Variants in HPCAL1 observed in about 807,000 individuals in gnomAD.
HPCAL1 encodes hippocalcin-like protein 1.
A neutral mutation model predicts 17.1 loss-of-function variants in HPCAL1; 8 were observed. The ratio of observed to expected loss-of-function variants is 0.47; its 90% CI spans 0.27 to 0.84. The LOEUF (loss-of-function observed/expected upper bound fraction) is 0.84, where lower values mean the gene tolerates loss of function less well. Ranked by LOEUF, HPCAL1 falls within the 40% of genes least tolerant of loss-of-function variation. HPCAL1 has a pLI of 0.13. For synonymous variants in HPCAL1, 112 were observed against 111.4 expected, an observed-to-expected ratio of 1.01 and a Z score of -0.03; for missense variants, 165 against 271.1, an observed-to-expected ratio of 0.61 and a Z score of 2.75.
At chr2:10,409,777 C>T (rs79588549) in intron 2 of HPCAL1, among the ~76,000 whole-genome samples, 15 of 62,502 alleles carry the variant, frequency 2.4e-4, no homozygotes, top group African/African-American at 4.9e-4. Context: ...GAGCCTCAGT[C>T]TTTTTTTTTT....
At chr2:10,418,951 T>C (rs1670856601) in intron 2 of HPCAL1, among the ~76,000 whole-genome samples, 1 of 152,234 alleles carries the variant, frequency 6.6e-6, no homozygotes, top group Non-Finnish European at 1.5e-5. Flanking sequence ...GGCTCACACC[T>C]GTAATCCCAG....
Position 10,354,066 on chromosome 2 carries a change from C to T in HPCAL1, c.-110-42769C>T, listed in dbSNP as rs1278738825. ...TTTGTGATGTGATCTGTCATCTCCT[C>T]TGGGCTTGCATTTCTCCAGTGACAA... On this transcript the variant is annotated intron_variant, in intron 1 of 4. Transcript: ENST00000307845. This position sits in a 1 kb window ranked among gnomAD's most constrained non-coding sequence, Gnocchi z 5.1. The T allele has an allele frequency of 1.3e-5, 2 of 152,216 alleles. No homozygotes were observed. The highest frequency in any genetic ancestry group is 4.8e-5 in the African/African-American group (2 of 41,430). The allele number at this position is 152,216 out of a possible 1,614,324, so 9.4% of individuals were successfully genotyped here.
chr2:10,402,334 G>A (rs976880790), intron 2 of HPCAL1, among the ~76,000 whole-genome samples: 5 of 152,236 alleles, frequency 3.3e-5, no homozygotes, highest in Non-Finnish European at 2.9e-5. Flanking sequence ...CATGTAAGGG[G>A]TGTTCCGTGA....
chr2:10,409,175 A>G (rs1166161258), intron 2 of HPCAL1, among the ~76,000 whole-genome samples: 1 of 152,208 alleles, frequency 6.6e-6, no homozygotes, highest in Non-Finnish European at 1.5e-5. Context: ...TTATGTGCTC[A>G]GTAGCCACGT....
chr2:10,368,201 G>A (rs1345819342), intron 1 of HPCAL1, among the ~76,000 whole-genome samples: 3 of 151,724 alleles, frequency 2.0e-5, no homozygotes, highest in South Asian at 2.1e-4. Flanking sequence ...GTGTGCATAC[G>A]TGTGTGTAGG....
chr2:10,344,715 G>GTGTC lies in HPCAL1; in HGVS notation c.-111+41552_-111+41555dup, dbSNP rs894282260. 6.6e-6 allele frequency among the ~76,000 whole-genome samples: 1 copy of GTGTC among 151,984 alleles called. No homozygotes were observed. Among genetic ancestry groups the GTGTC allele is most frequent in the South Asian group, 2.1e-4 (1 of 4,818 alleles). ...TTGCTCTGTCTCTGTCTCTTTCTCT[G>GTGTC]TGTCTGTCTGTCTGTCTCTATGTGT... On this transcript the variant is annotated intron_variant, in intron 1 of 4. Coordinates refer to ENST00000307845, the MANE Select transcript of HPCAL1 (RefSeq NM_002149.4). The surrounding 1 kb of genome is among the most constrained non-coding windows in gnomAD (Gnocchi z 4.9).
rs375041960 is a variant in HPCAL1, at chr2:10,363,405, A to G, written c.-110-33430A>G. Among the ~76,000 whole-genome samples the G allele has an allele frequency of 3.3e-5, 5 of 152,168 alleles. No homozygotes were observed. The highest frequency in any genetic ancestry group is 1.2e-4 in the African/African-American group (5 of 41,426). The stretch of plus-strand genomic sequence containing the variant: ...CAGCACCCCCATTTCTGCTGCTCTG[A>G]TAACTTGGATCGACTGAAGAACCTC... On this transcript the variant is annotated intron_variant, in intron 1 of 4. Transcript: ENST00000307845. This position sits in a 1 kb window ranked among gnomAD's most constrained non-coding sequence, Gnocchi z 4.7.
At chr2:10,399,576 AC>A (rs1669453987) in intron 2 of HPCAL1, among the ~76,000 whole-genome samples, 1 of 37,528 alleles carries the variant, frequency 2.7e-5, no homozygotes, top group African/African-American at 1.1e-4. Context: ...CGCCACCACC[AC>A]CGCCACCGCC....
intron 2 of HPCAL1, among the ~76,000 whole-genome samples, chr2:10,412,288 T>C (rs1670405365): frequency 6.6e-6 from 1 of 152,232 alleles, no homozygotes; most frequent in African/African-American, 2.4e-5. Flanking sequence ...TCCTCCTGCA[T>C]ACCTGGAATG....
chr2:10,400,758 C>T (rs1391470527), intron 2 of HPCAL1, among the ~76,000 whole-genome samples: 1 of 145,622 alleles, frequency 6.9e-6, no homozygotes, highest in East Asian at 2.0e-4. Context: ...CACGTACACA[C>T]CCACATGCAC....
intron 1 of HPCAL1, among the ~76,000 whole-genome samples, chr2:10,327,869 T>A (rs965095577): frequency 6.6e-6 from 1 of 152,262 alleles, no homozygotes; most frequent in Non-Finnish European, 1.5e-5. Flanking sequence ...ACTTACTGCA[T>A]ATACATTCAT....
intron 1 of HPCAL1, among the ~76,000 whole-genome samples, chr2:10,316,992 C>G (rs1375386006): frequency 1.3e-5 from 2 of 152,180 alleles, no homozygotes; most frequent in African/African-American, 4.8e-5. Flanking sequence ...ACTCTGGGCC[C>G]TCGGGTTATT....
rs1370987491 is a variant in HPCAL1, at chr2:10,377,564, C to A, written c.-110-19271C>A. Among the ~76,000 whole-genome samples, 1 of 152,102 alleles carries A rather than the reference C, an allele frequency of 6.6e-6. No individual in the cohort carries two copies. The highest frequency in any genetic ancestry group is 1.5e-5 in the Non-Finnish European group (1 of 68,018). ...CTCTTCCACCCTCTGTCGGCAGGGC[C>A]CCTGCCACCTCTGAAGCCCCCTGCC... On this transcript the variant is annotated intron_variant, in intron 1 of 4. Coordinates refer to ENST00000307845, the MANE Select transcript of HPCAL1 (RefSeq NM_002149.4). This position sits in a 1 kb window ranked among gnomAD's most constrained non-coding sequence, Gnocchi z 5.9.
At chr2:10,391,939 G>A (rs926163683) in intron 1 of HPCAL1, among the ~76,000 whole-genome samples, 4 of 152,100 alleles carry the variant, frequency 2.6e-5, no homozygotes, top group Non-Finnish European at 5.9e-5. Flanking sequence ...TAGTAGAGAC[G>A]GGATTTCACC....
chr2:10,415,763 G>A (rs981763805), intron 2 of HPCAL1, among the ~76,000 whole-genome samples: 1 of 152,190 alleles, frequency 6.6e-6, no homozygotes, highest in African/African-American at 2.4e-5. Context: ...AAGGTCCCCC[G>A]AGCAGGGGTG....
chr2:10,385,889 C>T (rs1436647852), intron 1 of HPCAL1, among the ~76,000 whole-genome samples: 1 of 148,836 alleles, frequency 6.7e-6, no homozygotes, highest in Non-Finnish European at 1.5e-5. Flanking sequence ...GATTTGTCGG[C>T]CTCGTGTCGG....
At chr2:10,317,556 T>C (rs1217444858) in intron 1 of HPCAL1, among the ~76,000 whole-genome samples, 1 of 151,628 alleles carries the variant, frequency 6.6e-6, no homozygotes. Context: ...TATCTGGGAG[T>C]ACCGGGATGC....
In HPCAL1 at chr2:10,359,981, C is replaced by T. The variant is rs1404227049; in HGVS notation, c.-110-36854C>T. Among the ~76,000 whole-genome samples, 1 of 152,166 alleles carries T rather than the reference C, an allele frequency of 6.6e-6. No homozygotes were observed. Among genetic ancestry groups the T allele is most frequent in the Non-Finnish European group, 1.5e-5 (1 of 68,034 alleles). ...CCAGGTTTGATGTGGGCTGAGCACA[C>T]CGTCACTAACTCATTCCTTCATTCA... On this transcript the variant is annotated intron_variant, in intron 1 of 4. Transcript: ENST00000307845. This position sits in a 1 kb window ranked among gnomAD's most constrained non-coding sequence, Gnocchi z 4.1.
chr2:10,379,756 C>A (rs1002101027), intron 1 of HPCAL1, among the ~76,000 whole-genome samples: 2 of 152,196 alleles, frequency 1.3e-5, no homozygotes, highest in Non-Finnish European at 2.9e-5. Flanking sequence ...GATAAAATTT[C>A]ACAGGGTTAA....
Sources: allele counts gnomAD v4.1 joint callset (sites outside exome capture counted in the v4.1 genomes callset), GRCh38; gene constraint gnomAD v4.1.1; non-coding constraint Gnocchi (gnomAD v3.1); transcripts MANE v1.5; gene names NCBI Gene and HGNC (gene_info 2026-07-23, HGNC 2026-07-21).